The following EPB41L2 variants were observed in gnomAD, a reference collection of about 807,000 sequenced individuals.
The protein encoded by EPB41L2 is band 4.1-like protein 2.
EPB41L2 carries 43 observed loss-of-function variants against 113.0 expected under a neutral mutation model. That is an observed-to-expected ratio of 0.38 (90% CI 0.30 to 0.49). EPB41L2 has a LOEUF of 0.49. Ranked by LOEUF, EPB41L2 falls within the 20% of genes least tolerant of loss-of-function variation. The probability of loss-of-function intolerance (pLI) is 0.95; values close to 1 mark genes in which losing one functional copy is unlikely to be tolerated. For synonymous variants in EPB41L2, 442 were observed against 436.7 expected (o/e 1.01, Z -0.15); for missense variants, 1,147 against 1,223.4 (o/e 0.94, Z 0.93).
intron 1 of EPB41L2, among the ~76,000 whole-genome samples, chr6:131,036,886 T>C (rs977748094): frequency 6.6e-6 from 1 of 152,220 alleles, no homozygotes; most frequent in Non-Finnish European, 1.5e-5. Context: ...AGCGTACTTA[T>C]GCACAGACTG....
intron 1 of EPB41L2, among the ~76,000 whole-genome samples, chr6:131,054,640 C>A (rs568506470): frequency 1.3e-5 from 2 of 152,338 alleles, no homozygotes; most frequent in Admixed American, 1.3e-4. Context: ...GCCACAGTTA[C>A]TACTTGAGAC....
At chr6:131,005,959 G>A (rs1233797886) in intron 1 of EPB41L2, among the ~76,000 whole-genome samples, 1 of 152,030 alleles carries the variant, frequency 6.6e-6, no homozygotes, top group African/African-American at 2.4e-5. Flanking sequence ...ACAGCAGATA[G>A]CCTCAGCCAG....
At chr6:131,036,908 T>C (rs1173253286) in intron 1 of EPB41L2, among the ~76,000 whole-genome samples, 2 of 152,190 alleles carry the variant, frequency 1.3e-5, no homozygotes, top group Non-Finnish European at 2.9e-5. Flanking sequence ...AACAAGGCCA[T>C]CTTTTCCACT....
At chr6:130,890,240 T>A (rs1414120217) in intron 11 of EPB41L2, 54 bp downstream of exon 11, 75 of 1,541,100 alleles carry the variant, frequency 4.9e-5, no homozygotes, top group Non-Finnish European at 6.3e-5. Flanking sequence ...TTTTCTGACC[T>A]CATGGGATTA....
Position 130,842,291 on chromosome 6 carries a change from TG to T in EPB41L2, c.*6-1694del, listed in dbSNP as rs202165278. Among the ~76,000 whole-genome samples, 193 of 73,014 alleles carry T rather than the reference TG, an allele frequency of 2.6e-3. 2 individuals carry two copies. Among genetic ancestry groups the T allele is most frequent in the African/African-American group, 0.011 (184 of 16,022 alleles). The allele number at this position is 73,014 out of a possible 152,430, so 47.9% of individuals were successfully genotyped here. ...TTAGTACTTCTGTTTGATTCTAGGC[TG>T]GGGGAAAAAAAAATCAATGGAGAAA... On this transcript the variant is annotated intron_variant, in intron 19 of 19. Coordinates refer to ENST00000337057, the MANE Select transcript of EPB41L2 (RefSeq NM_001431.4).
chr6:131,015,190 A>T (rs1441690482), intron 1 of EPB41L2: 1 of 152,230 alleles, frequency 6.6e-6, no homozygotes, highest in East Asian at 1.9e-4. Context: ...TCAGCTTATC[A>T]GCATCATCAA....
At chr6:130,975,853 G>A (rs2128665927) in intron 1 of EPB41L2, among the ~76,000 whole-genome samples, 1 of 152,076 alleles carries the variant, frequency 6.6e-6, no homozygotes, top group South Asian at 2.1e-4. Context: ...GTAAAACCCC[G>A]TCTCTACTAA....
chr6:130,859,526 A>C (rs977402475), intron 18 of EPB41L2, among the ~76,000 whole-genome samples: 1 of 151,756 alleles, frequency 6.6e-6, no homozygotes, highest in Non-Finnish European at 1.5e-5. Context: ...AAAAAAAAAA[A>C]GTCTAGGAAA....
intron 1 of EPB41L2, among the ~76,000 whole-genome samples, chr6:131,059,403 C>T (rs55827911): frequency 1.3e-5 from 2 of 152,330 alleles, no homozygotes; most frequent in South Asian, 4.1e-4. Context: ...CGTGAGCCAT[C>T]GCGCCCAGCT....
chr6:131,006,479 C>G (rs190507621), intron 1 of EPB41L2, among the ~76,000 whole-genome samples: 4 of 151,466 alleles, frequency 2.6e-5, no homozygotes, highest in Admixed American at 1.3e-4. Flanking sequence ...CTAGTCAACA[C>G]GACAAAACCC....
chr6:130,872,519 G>A, intron 14 of EPB41L2: 1 of 1,289,236 alleles, frequency 7.8e-7, no homozygotes, highest in Non-Finnish European at 1.0e-6. Flanking sequence ...CAAAATTGAT[G>A]TTATCTCCTC....
intron 3 of EPB41L2, among the ~76,000 whole-genome samples, chr6:130,930,943 A>C (rs1199947030): frequency 3.9e-5 from 6 of 152,174 alleles, no homozygotes; most frequent in Non-Finnish European, 7.4e-5. Flanking sequence ...TAGTAACTAA[A>C]TTATAATCCA....
intron 1 of EPB41L2, among the ~76,000 whole-genome samples, chr6:131,038,991 T>C (rs1584712577): frequency 2.0e-5 from 3 of 152,332 alleles, no homozygotes; most frequent in Middle Eastern, 3.4e-3. Flanking sequence ...TTTTTTTAAG[T>C]GTCAGACAGT....
intron 1 of EPB41L2, among the ~76,000 whole-genome samples, chr6:131,011,805 G>A (rs925597385): frequency 4.6e-5 from 7 of 152,226 alleles, no homozygotes; most frequent in African/African-American, 1.7e-4. Context: ...AAGTAGGGGT[G>A]AAGACAGGAA....
chr6:131,009,422 C>A (rs1281156663), intron 1 of EPB41L2, among the ~76,000 whole-genome samples: 1 of 152,152 alleles, frequency 6.6e-6, no homozygotes, highest in Non-Finnish European at 1.5e-5. Context: ...CAGACTAATA[C>A]ACAGACCCTT....
chr6:130,841,361 G>T (rs1775434420), intron 19 of EPB41L2, among the ~76,000 whole-genome samples: 1 of 152,188 alleles, frequency 6.6e-6, no homozygotes, highest in Non-Finnish European at 1.5e-5. Flanking sequence ...GGCCAGTCAT[G>T]CAGGGCATGA....
At chr6:130,906,442 A>G (rs1046337279) in intron 5 of EPB41L2, among the ~76,000 whole-genome samples, 1 of 152,168 alleles carries the variant, frequency 6.6e-6, no homozygotes, top group Non-Finnish European at 1.5e-5. Flanking sequence ...TTCACATACT[A>G]TTTTTGCAGT....
chr6:131,061,229 G>A (rs1325264776), intron 1 of EPB41L2, among the ~76,000 whole-genome samples: 1 of 152,184 alleles, frequency 6.6e-6, no homozygotes, highest in African/African-American at 2.4e-5. Context: ...TCGGCAGTCT[G>A]TCTGCACACA....
At chr6:130,916,834 T>G (rs1225113631) in intron 4 of EPB41L2, among the ~76,000 whole-genome samples, 2 of 152,246 alleles carry the variant, frequency 1.3e-5, no homozygotes, top group Non-Finnish European at 2.9e-5. Flanking sequence ...CTGCTGGTCC[T>G]TGGACCACTC....
Sources: allele counts gnomAD v4.1 joint callset (sites outside exome capture counted in the v4.1 genomes callset), GRCh38; gene constraint gnomAD v4.1.1; transcripts MANE v1.5; gene names NCBI Gene and HGNC (gene_info 2026-07-23, HGNC 2026-07-21).